Variants in MGAT4C observed in about 807,000 individuals in gnomAD.
MGAT4C encodes MGAT4 family member C.
Under a neutral mutation model 40.1 loss-of-function variants are expected in MGAT4C, and 19 were observed. That is an observed-to-expected ratio of 0.47 (90% confidence interval 0.33 to 0.70). The LOEUF (loss-of-function observed/expected upper bound fraction) is 0.70. Ranked by LOEUF, MGAT4C falls within the 30% of genes least tolerant of loss-of-function variation. The probability of loss-of-function intolerance (pLI) is 0.02; values close to 1 mark genes in which losing one functional copy is unlikely to be tolerated. For missense variants in MGAT4C, 491 were observed against 563.2 expected (o/e 0.87, Z 1.30); for synonymous variants, 181 against 187.1 (o/e 0.97, Z 0.27).
At chr12:86,091,112 C>T (rs1168280971) in intron 1 of MGAT4C, among the ~76,000 whole-genome samples, 2 of 151,850 alleles carry the variant, frequency 1.3e-5, no homozygotes, top group Non-Finnish European at 2.9e-5. Context: ...GAACTGCCCA[C>T]ACAAGAAATA....
At chr12:86,416,987 CT>C (rs922572335) in intron 3 of MGAT4C, among the ~76,000 whole-genome samples, 1 of 151,956 alleles carries the variant, frequency 6.6e-6, no homozygotes, top group Admixed American at 6.6e-5. Flanking sequence ...TGATTTCAGA[CT>C]TTTTTTGCCT....
At chr12:86,382,898 C>T (rs981521395) in intron 3 of MGAT4C, among the ~76,000 whole-genome samples, 3 of 152,160 alleles carry the variant, frequency 2.0e-5, no homozygotes, top group African/African-American at 7.2e-5. Context: ...AATGGCCAGG[C>T]AGAAGTTTGC....
chr12:86,802,418 G>GCT (rs1952249353), intron 1 of MGAT4C, among the ~76,000 whole-genome samples: 1 of 151,946 alleles, frequency 6.6e-6, no homozygotes, highest in African/African-American at 2.4e-5. Flanking sequence ...ACATAGTACT[G>GCT]TATTAGGCCT....
intron 2 of MGAT4C, among the ~76,000 whole-genome samples, chr12:86,034,616 C>G (rs1233129478): frequency 6.7e-6 from 1 of 148,224 alleles, no homozygotes; most frequent in Non-Finnish European, 1.5e-5. Context: ...TTCTGGAGTA[C>G]ATGTGCAGAA....
chr12:86,505,107 G>T (rs371094556), intron 2 of MGAT4C, among the ~76,000 whole-genome samples: 2 of 151,908 alleles, frequency 1.3e-5, no homozygotes, highest in African/African-American at 4.8e-5. Context: ...CAGTGATAAC[G>T]CCTGGTTAAA....
intron 2 of MGAT4C, among the ~76,000 whole-genome samples, chr12:86,028,652 G>T (rs774901066): frequency 1.4e-4 from 22 of 151,884 alleles, no homozygotes; most frequent in African/African-American, 4.8e-4. Flanking sequence ...ATTTGAGAAA[G>T]CTTTAGTAGA....
chr12:85,979,990 C>T lies in MGAT4C; in HGVS notation c.736G>A (p.Gly246Arg). 1 of 1,613,672 alleles carries T rather than the reference C, an allele frequency of 6.2e-7. No individual in the cohort carries two copies. The highest frequency in any genetic ancestry group is 1.1e-5 in the South Asian group (1 of 91,080). Residue 246 changes from glycine (G) to arginine (R), a missense_variant, in exon 5 of 5, where the codon GGA becomes AGA. Transcript: ENST00000611864. ...AIKKVIASLEGTYWVTLEFSK... is the reference protein window; with the variant it reads ...AIKKVIASLERTYWVTLEFSK... ...AATTCAAGAGTTACCCAGTAAGTTC[C>T]TTCTAGGGATGCAATGACTTTCTTG...
intron 2 of MGAT4C, among the ~76,000 whole-genome samples, chr12:86,707,728 A>G (rs1158066903): frequency 6.6e-6 from 1 of 151,772 alleles, no homozygotes; most frequent in Non-Finnish European, 1.5e-5. Context: ...ATGGGATTTC[A>G]CTATGTTGCC....
chr12:86,728,945 T>C (rs1410691216), intron 1 of MGAT4C, among the ~76,000 whole-genome samples: 1 of 152,184 alleles, frequency 6.6e-6, no homozygotes, highest in African/African-American at 2.4e-5. Flanking sequence ...ATACTTGTAA[T>C]AAAAGAATAA....
chr12:86,654,937 G>T (rs1963805900), intron 2 of MGAT4C, among the ~76,000 whole-genome samples: 1 of 151,914 alleles, frequency 6.6e-6, no homozygotes, highest in Non-Finnish European at 1.5e-5. Flanking sequence ...ATAAATTATA[G>T]AACATGAGTA....
rs139935323 is a variant in MGAT4C, at chr12:86,287,756, G to A, written c.-57+46309C>T. Among the ~76,000 whole-genome samples the A allele has an allele frequency of 2.8e-4, 42 of 152,274 alleles. 1 individual carries two copies. The highest frequency in any genetic ancestry group is 1.0e-3 in the African/African-American group (42 of 41,542). ...TCTTTATCCACTGTAATATTGATGG[G>A]CATTTGGGTTGGTTCTAAATCTTTG... On this transcript the variant is annotated intron_variant, in intron 4 of 7. Coordinates refer to the MGAT4C transcript ENST00000548651.
intron 1 of MGAT4C, among the ~76,000 whole-genome samples, chr12:86,111,176 G>A (rs1344149898): frequency 2.0e-5 from 3 of 151,686 alleles, no homozygotes; most frequent in East Asian, 3.9e-4. Flanking sequence ...TTGTCACATC[G>A]CACAAGAAAT....
intron 1 of MGAT4C, among the ~76,000 whole-genome samples, chr12:86,827,823 T>G (rs1952837968): frequency 6.6e-6 from 1 of 151,446 alleles, no homozygotes; most frequent in African/African-American, 2.4e-5. Context: ...CATACCATGT[T>G]AATTAATCAT....
intron 2 of MGAT4C, among the ~76,000 whole-genome samples, chr12:85,997,752 G>T (rs956951039): frequency 6.6e-6 from 1 of 152,202 alleles, no homozygotes; most frequent in East Asian, 1.9e-4. Flanking sequence ...GGACAGCTCT[G>T]CCCCAATGGC....
intron 2 of MGAT4C, among the ~76,000 whole-genome samples, chr12:86,658,118 G>A (rs1304966495): frequency 6.6e-6 from 1 of 151,948 alleles, no homozygotes; most frequent in Non-Finnish European, 1.5e-5. Flanking sequence ...TATGCATGCA[G>A]ATAGATATAG....
chr12:86,315,358 A>C (rs1057355837), intron 4 of MGAT4C, among the ~76,000 whole-genome samples: 5 of 152,172 alleles, frequency 3.3e-5, no homozygotes, highest in African/African-American at 1.2e-4. Context: ...CATACAAAAA[A>C]TAACTCAAGA....
chr12:86,113,693 C>G (rs1307480030), intron 1 of MGAT4C, among the ~76,000 whole-genome samples: 2 of 151,712 alleles, frequency 1.3e-5, no homozygotes, highest in African/African-American at 4.8e-5. Context: ...ATTCAAGAAA[C>G]TTGGGTGAAC....
chr12:86,507,391 T>C (rs1043628661), intron 2 of MGAT4C, among the ~76,000 whole-genome samples: 12 of 152,186 alleles, frequency 7.9e-5, no homozygotes, highest in African/African-American at 2.9e-4. Context: ...GTAAGGAAAA[T>C]GGGCATGTGC....
In MGAT4C at chr12:86,152,492, C is replaced by A. The variant is rs1884418292; in HGVS notation, c.-56-102769G>T. On this transcript the variant is annotated intron_variant, in intron 1 of 4. Coordinates refer to ENST00000611864, the MANE Select transcript of MGAT4C (RefSeq NM_001351288.2). Reference sequence around the variant, plus strand: ...TCTGCCCTCATGACTTAATCACCTTCTAAAGATCTCACATCTTAATACTAT... The same window carrying A: ...TCTGCCCTCATGACTTAATCACCTTATAAAGATCTCACATCTTAATACTAT... Among the ~76,000 whole-genome samples the A allele has an allele frequency of 3.3e-5, 5 of 152,168 alleles. 1 individual carries two copies. The highest frequency in any genetic ancestry group is 3.3e-4 in the Admixed American group (5 of 15,278).
Sources: allele counts gnomAD v4.1 joint callset (sites outside exome capture counted in the v4.1 genomes callset), GRCh38; gene constraint gnomAD v4.1.1; transcripts MANE v1.5; gene names NCBI Gene and HGNC (gene_info 2026-07-23, HGNC 2026-07-21).